The following MDN1 variants were observed in gnomAD, a reference collection of about 807,000 sequenced individuals.
The protein encoded by MDN1 is midasin.
Under a neutral mutation model 669.2 loss-of-function variants are expected in MDN1, and 266 were observed. The observed-to-expected ratio is 0.40, with a 90% CI of 0.36 to 0.44. The LOEUF (loss-of-function observed/expected upper bound fraction) is 0.44. Ranked by LOEUF, MDN1 falls within the 20% of genes least tolerant of loss-of-function variation. MDN1 has a pLI of 1.00. For missense variants in MDN1, 5,940 were observed against 6,754.0 expected (o/e 0.88, Z 4.22); for synonymous variants, 2,385 against 2,457.1 (o/e 0.97, Z 0.87).
In MDN1 at chr6:89,727,899, C is replaced by T. The variant is rs544453574; in HGVS notation, c.5406G>A (p.Glu1802=). 6.2e-7 allele frequency: 1 copy of T among 1,614,050 alleles called. No homozygotes were observed. ...DLPVEGGKGG[E]FAWRDGPLLA... is the part of the protein sequence containing the mutation. Reference sequence around the variant, plus strand: ...GTAAGGGGCCATCACGCCAGGCAAACTCTCCTCCCTTGCCACCTTCAACAG... The same window carrying T: ...GTAAGGGGCCATCACGCCAGGCAAATTCTCCTCCCTTGCCACCTTCAACAG... The change falls in exon 37 of 102, where the codon GAG becomes GAA. Residue 1802 remains glutamate (E), a synonymous_variant. Coordinates refer to ENST00000369393, the MANE Select transcript of MDN1 (RefSeq NM_014611.3).
intron 88 of MDN1, among the ~76,000 whole-genome samples, chr6:89,660,771 G>C (rs1584110284): frequency 6.6e-6 from 1 of 151,854 alleles, no homozygotes; most frequent in Non-Finnish European, 1.5e-5. Context: ...TTTTAAAATA[G>C]ATTTTATAAC....
chr6:89,676,420 T>C (rs2128305137), intron 76 of MDN1, among the ~76,000 whole-genome samples: 1 of 152,308 alleles, frequency 6.6e-6, no homozygotes, highest in East Asian at 1.9e-4. Flanking sequence ...GCTGACAACA[T>C]GGTTTCTTCA....
chr6:89,756,348 G>A lies in MDN1; in HGVS notation c.2745C>T (p.Asp915=). 6.2e-7 allele frequency: 1 copy of A among 1,602,120 alleles called. No homozygotes were observed. The highest frequency in any genetic ancestry group is 8.5e-7 in the Non-Finnish European group (1 of 1,173,386). Residue 915 remains aspartate (D), a synonymous_variant, in exon 20 of 102, where the codon GAC becomes GAT. Transcript: ENST00000369393. The stretch of plus-strand genomic sequence containing the variant: ...GATAATCTACAATAAGAACCTGTAA[G>A]TCTTCTTTGCTTTCTAATTCTTCTA... The part of the protein sequence containing the change: ...LYVEELESKE[D]LQVLIVDYLK...
At chr6:89,646,628 A>G in intron 99 of MDN1, 25 bp from the exon 100 acceptor site, 2 of 1,598,864 alleles carry the variant, frequency 1.3e-6, no homozygotes, top group Non-Finnish European at 1.7e-6. Flanking sequence ...GGAATAGACA[A>G]TTAGAAAACT....
At chr6:89,649,988 T>C (rs1808736709) in intron 97 of MDN1, 36 bp downstream of exon 97, 3 of 1,609,482 alleles carry the variant, frequency 1.9e-6, no homozygotes, top group Non-Finnish European at 2.6e-6. Flanking sequence ...TGATGTTAAT[T>C]TCCTATCAAA....
chr6:89,725,331 G>A lies in MDN1; in HGVS notation c.5538C>T (p.Ile1846=), dbSNP rs762951461. The change falls in exon 38 of 102, where the codon ATC becomes ATT. Residue 1846 remains isoleucine, a synonymous_variant. Coordinates refer to ENST00000369393, the MANE Select transcript of MDN1 (RefSeq NM_014611.3). ...LNACFDHRGE[I]YVPELGMSFQ... ...AGCTCATTCCTAACTCAGGCACATAGATTTCTCCTCGGTGGTCAAAACAAG... is the reference window on the plus strand; with the variant it reads ...AGCTCATTCCTAACTCAGGCACATAAATTTCTCCTCGGTGGTCAAAACAAG... 1 of 1,613,944 alleles carries A rather than the reference G, an allele frequency of 6.2e-7. No individual in the cohort carries two copies. The highest frequency in any genetic ancestry group is 2.2e-5 in the East Asian group (1 of 44,858).
chr6:89,759,033 C>T, intron 17 of MDN1, 73 bp from the exon 18 acceptor site: 2 of 1,466,882 alleles, frequency 1.4e-6, no homozygotes, highest in Middle Eastern at 1.7e-4. Flanking sequence ...GTTATGCAAG[C>T]AGGGTTAGAA....
intron 97 of MDN1, 75 bp from the exon 98 acceptor site, chr6:89,648,404 T>C (rs939861160): frequency 2.1e-6 from 3 of 1,395,810 alleles, no homozygotes; most frequent in African/African-American, 2.9e-5. Flanking sequence ...ATTTTTTGCA[T>C]CAAGATTCCC....
At chr6:89,704,343 T>C (rs946654364) in intron 53 of MDN1, among the ~76,000 whole-genome samples, 10 of 152,170 alleles carry the variant, frequency 6.6e-5, no homozygotes, top group African/African-American at 1.7e-4. Context: ...GATCACGCCA[T>C]TGCATTCCAG....
In MDN1 at chr6:89,690,108, C is replaced by T. The variant is rs762459164; in HGVS notation, c.10785G>A (p.Glu3595=). The stretch of plus-strand genomic sequence containing the variant: ...GCCCATCTGAAGTTCCTTTGTTCTC[C>T]TCCAACGTTGGCTGCACCAAAATAT... ...FADILVQPTL[E]ENKGTSDGQE... Residue 3595 remains glutamate, a synonymous_variant, in exon 65 of 102, where the codon GAG becomes GAA. Coordinates refer to ENST00000369393, the MANE Select transcript of MDN1 (RefSeq NM_014611.3). 9.9e-6 allele frequency: 16 copies of T among 1,614,134 alleles called. No homozygotes were observed. In the South Asian group the frequency reaches 1.5e-4, roughly 16 times the overall value.
chr6:89,765,691 C>T (rs1817774130), intron 15 of MDN1, among the ~76,000 whole-genome samples: 1 of 152,144 alleles, frequency 6.6e-6, no homozygotes, highest in Non-Finnish European at 1.5e-5. Context: ...GTTAAGAACA[C>T]AGACACTCAA....
chr6:89,701,050 C>G (rs935941307), intron 55 of MDN1, among the ~76,000 whole-genome samples, 194 bp from the exon 56 acceptor site: 6 of 152,190 alleles, frequency 3.9e-5, no homozygotes, highest in African/African-American at 1.4e-4. Flanking sequence ...CCTTAACAGT[C>G]TCAGGAATAA....
chr6:89,776,633 A>G lies in MDN1; in HGVS notation c.1788T>C (p.Val596=). 6.2e-7 allele frequency: 1 copy of G among 1,613,124 alleles called. No homozygotes were observed. Among genetic ancestry groups the G allele is most frequent in the Non-Finnish European group, 8.5e-7 (1 of 1,179,152 alleles). ...TAGAAATGTTCAATTTGCTTCCAAT[A>G]ACTTCTGCCATTTTCAGTTTGCTTG... ...EHTSKLKMAE[V]IGSKLNISRK... The change falls in exon 12 of 102, where the codon GTT becomes GTC. Residue 596 remains valine (V), a synonymous_variant. Transcript: ENST00000369393.
At chr6:89,814,812 T>C in intron 1 of MDN1, 1 of 467,108 alleles carries the variant, frequency 2.1e-6, no homozygotes, top group South Asian at 1.6e-5. Context: ...CTGGGTTCTC[T>C]GTGCAGACAG....
intron 66 of MDN1, 114 bp from the exon 67 acceptor site, chr6:89,688,287 C>A (rs1584192229): frequency 2.0e-6 from 2 of 987,166 alleles, no homozygotes; most frequent in East Asian, 2.4e-5. Flanking sequence ...TTTTAAAACA[C>A]CTCTGAAAAA....
chr6:89,782,818 A>G (rs1359491437), intron 9 of MDN1, among the ~76,000 whole-genome samples: 2 of 152,030 alleles, frequency 1.3e-5, no homozygotes, highest in African/African-American at 2.4e-5. Flanking sequence ...ATGTTGCGGG[A>G]AGTCAGGGAC....
chr6:89,800,108 T>C (rs1419906830), intron 2 of MDN1, among the ~76,000 whole-genome samples: 1 of 151,666 alleles, frequency 6.6e-6, no homozygotes, highest in Non-Finnish European at 1.5e-5. Flanking sequence ...GTCTTCCTAA[T>C]GAAATATCCA....
At chr6:89,790,933 G>A (rs1226297885) in intron 5 of MDN1, among the ~76,000 whole-genome samples, 1 of 152,080 alleles carries the variant, frequency 6.6e-6, no homozygotes, top group Non-Finnish European at 1.5e-5. Context: ...TAAGGCTGAA[G>A]AATCACTTGA....
At chr6:89,814,769 A>G (rs1294098712) in intron 1 of MDN1, 2 of 416,072 alleles carry the variant, frequency 4.8e-6, no homozygotes, top group African/African-American at 4.2e-5. Context: ...GCGGCAGCCT[A>G]TGGTTAGCCA....
Sources: gnomAD v4.1 joint callset for allele counts (sites outside exome capture counted in the v4.1 genomes callset) on GRCh38, gnomAD v4.1.1 for gene constraint, MANE v1.5 for transcripts, NCBI Gene and HGNC (gene_info 2026-07-23, HGNC 2026-07-21) for gene names.